Variants in FBXW7 observed in about 807,000 individuals in gnomAD.
FBXW7 encodes the protein F-box/WD repeat-containing protein 7.
In FBXW7, 11 loss-of-function variants were observed where a neutral mutation model predicts 86.3. The ratio of observed to expected loss-of-function variants is 0.13; its 90% confidence interval spans 0.08 to 0.21. FBXW7 has a LOEUF of 0.21. Ranked by LOEUF, FBXW7 falls within the 10% of genes least tolerant of loss-of-function variation. The probability of loss-of-function intolerance (pLI) is 1.00; values close to 1 mark genes in which losing one functional copy is unlikely to be tolerated. For synonymous variants in FBXW7, 313 were observed against 297.9 expected (o/e 1.05, Z -0.52); for missense variants, 488 against 847.4 (o/e 0.58, Z 5.27).
intron 2 of FBXW7, among the ~76,000 whole-genome samples, chr4:152,446,378 T>C (rs1400314510): frequency 2.0e-5 from 3 of 146,610 alleles, no homozygotes; most frequent in South Asian, 4.4e-4. Context: ...CTTGATTCTT[T>C]AAGAAACTTC....
chr4:152,490,577 T>C (rs1452393945), intron 2 of FBXW7, among the ~76,000 whole-genome samples: 2 of 152,054 alleles, frequency 1.3e-5, no homozygotes, highest in African/African-American at 2.4e-5. Context: ...ATATTGGGCA[T>C]AGGACTCAAA....
intron 2 of FBXW7, among the ~76,000 whole-genome samples, chr4:152,420,624 G>A (rs1042908634): frequency 6.6e-6 from 1 of 152,146 alleles, no homozygotes; most frequent in Non-Finnish European, 1.5e-5. Context: ...CACAATAGAT[G>A]TTATTATGTT....
chr4:152,457,643 CAAAA>C (rs769232533), intron 2 of FBXW7, among the ~76,000 whole-genome samples: 1 of 57,462 alleles, frequency 1.7e-5, no homozygotes, highest in Non-Finnish European at 3.7e-5. Context: ...GACTCTGTCT[CAAAA>C]AAAAAAAAAA....
rs531605003 is a variant in FBXW7 at position 152,413,623 on chromosome 4, A to G, written c.-119-1094T>C. Among the ~76,000 whole-genome samples, 79 of 152,174 alleles carry G rather than the reference A, an allele frequency of 5.2e-4. 1 individual carries two copies. Among genetic ancestry groups the G allele is most frequent in the African/African-American group, 1.8e-3 (76 of 41,546 alleles). On this transcript the variant is annotated intron_variant, in intron 2 of 13. Transcript: ENST00000281708. Reference sequence around the variant, plus strand: ...TCCTGAAAGAATATTATTCTCTAACACTGATACTGCCTTCTTTTCCAAAAC... The same window carrying G: ...TCCTGAAAGAATATTATTCTCTAACGCTGATACTGCCTTCTTTTCCAAAAC...
rs962545947 is a variant in FBXW7, at chr4:152,381,438, T to C, written c.501+29865A>G. On this transcript the variant is annotated intron_variant, in intron 4 of 13. Coordinates refer to ENST00000281708, the MANE Select transcript of FBXW7 (RefSeq NM_001349798.2). ...AGTGGTTTGTTTGTTTGTTTCAGGC[T>C]CATAAACCTATGTTAGATCTAAAAA... is the stretch of plus-strand genomic sequence containing the variant. Among the ~76,000 whole-genome samples, 85 of 152,092 alleles carry C rather than the reference T, an allele frequency of 5.6e-4. 5 individuals are homozygous for C. The highest frequency in any genetic ancestry group is 1.5e-5 in the Non-Finnish European group (1 of 67,966).
At chr4:152,385,364 T>C (rs79509813) in intron 4 of FBXW7, among the ~76,000 whole-genome samples, 2,075 of 152,128 alleles carry the variant, frequency 0.014, 25 homozygotes, top group Middle Eastern at 0.037. Context: ...AGATAATGTA[T>C]TCAATATTAT....
chr4:152,453,268 G>A (rs1210872173), intron 2 of FBXW7, among the ~76,000 whole-genome samples: 5 of 152,184 alleles, frequency 3.3e-5, no homozygotes, highest in Non-Finnish European at 7.4e-5. Flanking sequence ...AAACAGGAAA[G>A]ATGATTTCTT....
In FBXW7 at chr4:152,370,823, T is replaced by C. The variant is rs1353676468; in HGVS notation, c.502-20699A>G. ...AACAGAATTACAAAAACAGTATTAA[T>C]ATTTGAGAAAGACTCACTGCTTCCC... On this transcript the variant is annotated intron_variant, in intron 4 of 13. Coordinates refer to ENST00000281708, the MANE Select transcript of FBXW7 (RefSeq NM_001349798.2). Among the ~76,000 whole-genome samples the C allele has an allele frequency of 2.0e-5, 3 of 151,192 alleles. No homozygotes were observed. In the East Asian group the frequency reaches 5.8e-4, roughly 29 times the overall value.
At chr4:152,393,461 A>G (rs181023548) in intron 4 of FBXW7, among the ~76,000 whole-genome samples, 8 of 152,180 alleles carry the variant, frequency 5.3e-5, no homozygotes, top group African/African-American at 1.9e-4. Flanking sequence ...ACAGAGTAAA[A>G]TGATAATGAT....
At chr4:152,368,267 A>G (rs976434071) in intron 4 of FBXW7, among the ~76,000 whole-genome samples, 2 of 152,130 alleles carry the variant, frequency 1.3e-5, no homozygotes, top group Non-Finnish European at 2.9e-5. Context: ...GCATTATAAC[A>G]AAGCTAATAT....
intron 11 of FBXW7, among the ~76,000 whole-genome samples, chr4:152,327,385 T>C (rs1337627459): frequency 3.9e-5 from 6 of 152,080 alleles, no homozygotes; most frequent in Admixed American, 3.9e-4. Flanking sequence ...AGGTAAAGAC[T>C]GCCATGGATT....
chr4:152,355,386 T>A (rs1292209968), intron 4 of FBXW7, among the ~76,000 whole-genome samples: 1 of 152,102 alleles, frequency 6.6e-6, no homozygotes, highest in Non-Finnish European at 1.5e-5. Context: ...TAAGTTTTTT[T>A]AAAGTATTTT....
At chr4:152,483,986 CA>C (rs1195299741) in intron 2 of FBXW7, among the ~76,000 whole-genome samples, 1 of 152,076 alleles carries the variant, frequency 6.6e-6, no homozygotes, top group Non-Finnish European at 1.5e-5. Context: ...CCGAACTTCT[CA>C]AAAGATAAAA....
chr4:152,369,875 T>A (rs761637154), intron 4 of FBXW7, among the ~76,000 whole-genome samples: 5 of 151,990 alleles, frequency 3.3e-5, no homozygotes, highest in Non-Finnish European at 7.4e-5. Context: ...GGCCAAGAGC[T>A]TTCATAATAT....
At chr4:152,340,401 C>T (rs1054049747) in intron 6 of FBXW7, among the ~76,000 whole-genome samples, 1 of 151,536 alleles carries the variant, frequency 6.6e-6, no homozygotes, top group Non-Finnish European at 1.5e-5. Flanking sequence ...CATGGTGAAA[C>T]CCCATCTCTA....
At chr4:152,459,570 C>T (rs903181297) in intron 2 of FBXW7, among the ~76,000 whole-genome samples, 4 of 152,104 alleles carry the variant, frequency 2.6e-5, no homozygotes, top group South Asian at 2.1e-4. Context: ...CATACAGCAG[C>T]GACTCCAAAC....
At chr4:152,343,511 TTATA>T (rs1730945448) in intron 6 of FBXW7, among the ~76,000 whole-genome samples, 1 of 152,206 alleles carries the variant, frequency 6.6e-6, no homozygotes. Context: ...GCAAGAATGG[TTATA>T]TATTAATGAA....
chr4:152,450,611 T>C (rs1443117410), intron 2 of FBXW7, among the ~76,000 whole-genome samples: 3 of 152,158 alleles, frequency 2.0e-5, no homozygotes, highest in African/African-American at 7.2e-5. Flanking sequence ...TAATACCACA[T>C]ACTAATGTAA....
At chr4:152,514,801 C>T (rs1022381162) in intron 2 of FBXW7, among the ~76,000 whole-genome samples, 10 of 152,168 alleles carry the variant, frequency 6.6e-5, no homozygotes, top group African/African-American at 2.4e-4. Flanking sequence ...ATACAACCTG[C>T]AGGAACCATG....
Sources: allele counts gnomAD v4.1 joint callset (sites outside exome capture counted in the v4.1 genomes callset), GRCh38; gene constraint gnomAD v4.1.1; transcripts MANE v1.5; gene names NCBI Gene and HGNC (gene_info 2026-07-23, HGNC 2026-07-21).